SKAP1: variants seen among roughly 807,000 people sequenced by gnomAD.
The protein encoded by SKAP1 is src kinase associated phosphoprotein 1, also known as src kinase-associated phosphoprotein 1.
SKAP1 carries 44 observed loss-of-function variants against 58.5 expected under a neutral mutation model. The observed-to-expected ratio is 0.75, with a 90% CI of 0.59 to 0.97. SKAP1 has a LOEUF of 0.97. Ranked by LOEUF, SKAP1 falls within the 50% of genes least tolerant of loss-of-function variation. SKAP1 has a pLI of 0.00. For synonymous variants in SKAP1, 127 were observed against 149.7 expected, an observed-to-expected ratio of 0.85 and a Z score of 1.11; for missense variants, 390 against 435.2, an observed-to-expected ratio of 0.90 and a Z score of 0.92.
At chr17:48,223,355 T>C (rs2065027629) in intron 4 of SKAP1, among the ~76,000 whole-genome samples, 2 of 152,182 alleles carry the variant, frequency 1.3e-5, no homozygotes, top group South Asian at 4.1e-4. Flanking sequence ...TCTGGAGTGG[T>C]TTTCTGGCAC....
intron 11 of SKAP1, among the ~76,000 whole-genome samples, chr17:48,153,748 T>C (rs929719884): frequency 1.3e-5 from 2 of 151,746 alleles, no homozygotes; most frequent in Non-Finnish European, 2.9e-5. Context: ...AGGCCTATAT[T>C]CTCCCCACTT....
chr17:48,255,686 C>T (rs1331772538), intron 4 of SKAP1, among the ~76,000 whole-genome samples: 1 of 151,930 alleles, frequency 6.6e-6, no homozygotes, highest in Admixed American at 6.6e-5. Context: ...AATCATCCCA[C>T]AATATTCAAA....
At chr17:48,169,003 A>G (rs926256461) in intron 10 of SKAP1, among the ~76,000 whole-genome samples, 2 of 152,210 alleles carry the variant, frequency 1.3e-5, no homozygotes, top group African/African-American at 4.8e-5. Context: ...TCACTAAGTC[A>G]CCAATCATTA....
intron 4 of SKAP1, among the ~76,000 whole-genome samples, chr17:48,327,988 C>T (rs1024103895): frequency 3.3e-5 from 5 of 152,110 alleles, no homozygotes; most frequent in Non-Finnish European, 7.4e-5. Flanking sequence ...TGTTACAGCT[C>T]ACTGCGATGT....
At chr17:48,256,447 A>T (rs983946426) in intron 4 of SKAP1, among the ~76,000 whole-genome samples, 14 of 152,128 alleles carry the variant, frequency 9.2e-5, no homozygotes, top group Non-Finnish European at 1.9e-4. Context: ...ATAAAAAGAA[A>T]CAAAAATATT....
intron 4 of SKAP1, among the ~76,000 whole-genome samples, chr17:48,273,289 T>A (rs1018047297): frequency 3.0e-4 from 46 of 152,230 alleles, no homozygotes; most frequent in African/African-American, 1.1e-3. Context: ...ATAAACAGAA[T>A]GCTTAGGTAA....
intron 2 of SKAP1, among the ~76,000 whole-genome samples, chr17:48,373,548 C>G (rs79980107): frequency 7.4e-4 from 112 of 152,208 alleles, no homozygotes; most frequent in Non-Finnish European, 1.4e-3. Flanking sequence ...AGAGAAGATA[C>G]AGTTGTTTTG....
chr17:48,219,971 C>G (rs2064982871), intron 4 of SKAP1, among the ~76,000 whole-genome samples: 1 of 152,192 alleles, frequency 6.6e-6, no homozygotes, highest in African/African-American at 2.4e-5. Context: ...TCCCTCCAGG[C>G]AGCTGGTTTA....
chr17:48,419,894 ATT>A (rs2067774992), intron 1 of SKAP1, among the ~76,000 whole-genome samples: 2 of 152,324 alleles, frequency 1.3e-5, no homozygotes, highest in Admixed American at 1.3e-4. Context: ...AAATGATTTT[ATT>A]AGAGTCAGCA....
chr17:48,167,585 A>G (rs2064157408), intron 10 of SKAP1, among the ~76,000 whole-genome samples: 1 of 152,176 alleles, frequency 6.6e-6, no homozygotes, highest in Admixed American at 6.5e-5. Context: ...TGGCCCTCCT[A>G]AAAGCAATCA....
At chr17:48,337,934 A>G (rs2066595423) in intron 4 of SKAP1, among the ~76,000 whole-genome samples, 1 of 152,080 alleles carries the variant, frequency 6.6e-6, no homozygotes, top group Non-Finnish European at 1.5e-5. Context: ...CTTGGGTATG[A>G]TACTGGTTCT....
intron 2 of SKAP1, chr17:48,382,728 C>T (rs1050647238): frequency 5.3e-5 from 8 of 152,230 alleles, no homozygotes; most frequent in East Asian, 1.9e-4. Context: ...CAAAAAACCA[C>T]TTCACTGAAT....
chr17:48,257,995 A>G (rs1351458526), intron 4 of SKAP1, among the ~76,000 whole-genome samples: 1 of 152,028 alleles, frequency 6.6e-6, no homozygotes, highest in African/African-American at 2.4e-5. Flanking sequence ...TGCTGAGGAC[A>G]ATCACCTTCT....
upstream of SKAP1, among the ~76,000 whole-genome samples, chr17:48,435,138 GAAAT>G (rs887109305): frequency 1.2e-3 from 178 of 152,156 alleles, no homozygotes; most frequent in African/African-American, 4.0e-3. Flanking sequence ...GACCCTGTCT[GAAAT>G]AAATAAATAA....
chr17:48,418,500 T>C (rs1194719377), intron 1 of SKAP1, among the ~76,000 whole-genome samples: 2 of 152,206 alleles, frequency 1.3e-5, no homozygotes, highest in African/African-American at 2.4e-5. Flanking sequence ...TCCCATATAC[T>C]GCTTGTGGAA....
chr17:48,332,087 AGTTT>A (rs987466821), intron 4 of SKAP1, among the ~76,000 whole-genome samples: 1 of 152,014 alleles, frequency 6.6e-6, no homozygotes, highest in African/African-American at 2.4e-5. Context: ...TCATGATTTT[AGTTT>A]GTTTTTTAAA....
At chr17:48,205,979 T>C (rs568055373) in intron 4 of SKAP1, among the ~76,000 whole-genome samples, 2 of 150,504 alleles carry the variant, frequency 1.3e-5, no homozygotes, top group South Asian at 4.2e-4. Flanking sequence ...GGTGCTCTGA[T>C]GAAGGAAAGG....
At chr17:48,314,281 T>G (rs913778580) in intron 4 of SKAP1, among the ~76,000 whole-genome samples, 4 of 152,170 alleles carry the variant, frequency 2.6e-5, no homozygotes, top group African/African-American at 9.7e-5. Flanking sequence ...ATATCCCTAC[T>G]GCCTCCAAAC....
At chr17:48,359,916 A>G (rs960084014) in intron 3 of SKAP1, among the ~76,000 whole-genome samples, 1 of 152,154 alleles carries the variant, frequency 6.6e-6, no homozygotes, top group Non-Finnish European at 1.5e-5. Flanking sequence ...GCCAGGCTAT[A>G]TTATTAGGCA....
Sources: allele counts gnomAD v4.1 joint callset (sites outside exome capture counted in the v4.1 genomes callset), GRCh38; gene constraint gnomAD v4.1.1; transcripts MANE v1.5; gene names NCBI Gene and HGNC (gene_info 2026-07-23, HGNC 2026-07-21).